The following MACROD2 variants were observed in gnomAD, a reference collection of about 807,000 sequenced individuals.
The protein encoded by MACROD2 is mono-ADP ribosylhydrolase 2.
In MACROD2, 36 loss-of-function variants were observed where a neutral mutation model predicts 70.4. That is an observed-to-expected ratio of 0.51 (90% CI 0.39 to 0.68). The LOEUF (loss-of-function observed/expected upper bound fraction) is 0.68, where lower values mean the gene tolerates loss of function less well. Ranked by LOEUF, MACROD2 falls within the 30% of genes least tolerant of loss-of-function variation. MACROD2 has a pLI of 0.00. For missense variants in MACROD2, 496 were observed against 538.4 expected (o/e 0.92, Z 0.78); for synonymous variants, 172 against 178.8 (o/e 0.96, Z 0.30).
At chr20:14,242,032 A>G (rs914469068) in intron 3 of MACROD2, among the ~76,000 whole-genome samples, 1 of 152,164 alleles carries the variant, frequency 6.6e-6, no homozygotes. Flanking sequence ...GAGAAAATGC[A>G]CAGTGATAGA....
intron 5 of MACROD2, among the ~76,000 whole-genome samples, chr20:14,746,091 C>A (rs899939096): frequency 1.3e-5 from 2 of 152,194 alleles, no homozygotes; most frequent in East Asian, 3.9e-4. Context: ...TATTTATTTC[C>A]ATGGAAAACA....
chr20:14,710,481 G>C (rs1344012564), intron 5 of MACROD2, among the ~76,000 whole-genome samples: 3 of 152,232 alleles, frequency 2.0e-5, no homozygotes, highest in Non-Finnish European at 4.4e-5. Context: ...ACTGTGGAAA[G>C]ACGATGAGCA....
chr20:14,697,397 A>G (rs1181597267), intron 5 of MACROD2, among the ~76,000 whole-genome samples: 3 of 152,348 alleles, frequency 2.0e-5, no homozygotes, highest in Middle Eastern at 3.4e-3. Flanking sequence ...CCATACAGCT[A>G]TGCACAAAGA....
At chr20:14,107,905 G>T (rs1449491496) in intron 3 of MACROD2, among the ~76,000 whole-genome samples, 2 of 152,016 alleles carry the variant, frequency 1.3e-5, no homozygotes, top group Non-Finnish European at 1.5e-5. Flanking sequence ...TGAAATAAAA[G>T]AACATTAATA....
At chr20:15,298,891 A>C (rs2077616072) in intron 6 of MACROD2, among the ~76,000 whole-genome samples, 1 of 152,142 alleles carries the variant, frequency 6.6e-6, no homozygotes, top group African/African-American at 2.4e-5. Flanking sequence ...ACTGACAAAG[A>C]AGCAGAGGCC....
At chr20:16,028,461 C>T in intron 15 of MACROD2, among the ~76,000 whole-genome samples, 1 of 151,500 alleles carries the variant, frequency 6.6e-6, no homozygotes, top group Non-Finnish European at 1.5e-5. Flanking sequence ...ACTGATGAAG[C>T]ATTTCCAAAC....
chr20:14,440,491 T>A (rs541681396), intron 3 of MACROD2, among the ~76,000 whole-genome samples: 1 of 152,176 alleles, frequency 6.6e-6, no homozygotes, highest in African/African-American at 2.4e-5. Context: ...GCCTGGCTAA[T>A]AGTAATTGTT....
At chr20:15,732,551 C>T (rs755920824) in intron 8 of MACROD2, among the ~76,000 whole-genome samples, 20 of 152,102 alleles carry the variant, frequency 1.3e-4, no homozygotes, top group Non-Finnish European at 2.1e-4. Flanking sequence ...ACTAATTAAC[C>T]GTGTGACTTT....
intron 12 of MACROD2, among the ~76,000 whole-genome samples, chr20:15,944,512 A>G (rs897008755): frequency 3.3e-5 from 5 of 152,142 alleles, no homozygotes; most frequent in African/African-American, 1.2e-4. Context: ...TTGATAGTCT[A>G]TCATCATTTA....
chr20:14,788,838 G>A (rs924875137), intron 5 of MACROD2, among the ~76,000 whole-genome samples: 7 of 136,540 alleles, frequency 5.1e-5, no homozygotes, highest in Admixed American at 2.5e-4. Context: ...GTGCGATCTC[G>A]GCTTACTGCA....
At chr20:14,320,398 C>T (rs1201990506) in intron 3 of MACROD2, among the ~76,000 whole-genome samples, 1 of 152,258 alleles carries the variant, frequency 6.6e-6, no homozygotes, top group East Asian at 1.9e-4. Context: ...CAGTTTCTCC[C>T]ATTCATCTTT....
At chr20:14,640,009 GTGT>G (rs1164639658) in intron 4 of MACROD2, among the ~76,000 whole-genome samples, 2 of 152,018 alleles carry the variant, frequency 1.3e-5, no homozygotes, top group African/African-American at 2.4e-5. Context: ...AAAATTTTTG[GTGT>G]TGTTGTTTAC....
intron 3 of MACROD2, among the ~76,000 whole-genome samples, chr20:14,242,276 G>A (rs942564044): frequency 7.9e-5 from 12 of 152,018 alleles, no homozygotes; most frequent in Admixed American, 2.6e-4. Flanking sequence ...CAGACTTCAC[G>A]TTAACACTTA....
At chr20:15,618,847 C>A (rs2049081167) in intron 8 of MACROD2, among the ~76,000 whole-genome samples, 1 of 152,208 alleles carries the variant, frequency 6.6e-6, no homozygotes, top group Admixed American at 6.5e-5. Context: ...TCAGAGCCGG[C>A]TGTGCGGAGA....
In MACROD2 at chr20:16,049,812, G is replaced by C. The variant is rs754829110; in HGVS notation, c.1301-18G>C. The C allele has an allele frequency of 3.1e-6, 5 of 1,612,930 alleles. No homozygotes were observed. In the South Asian group the frequency reaches 5.5e-5, roughly 18 times the overall value. ...TGTCTTATCTTTAATCTAACAAATG[G>C]CTTCTCTTTGTCTTCAGCAGGGGCA... On this transcript the variant is annotated intron_variant, in intron 17 of 17. Coordinates refer to ENST00000684519, the MANE Select transcript of MACROD2 (RefSeq NM_001351661.2).
At chr20:14,281,453 G>A (rs148788162) in intron 3 of MACROD2, among the ~76,000 whole-genome samples, 59 of 152,240 alleles carry the variant, frequency 3.9e-4, no homozygotes, top group East Asian at 1.5e-3. Context: ...TGGGTATAGC[G>A]TTTCTTTTTG....
At chr20:14,657,265 C>A (rs559975384) in intron 4 of MACROD2, among the ~76,000 whole-genome samples, 4 of 152,324 alleles carry the variant, frequency 2.6e-5, no homozygotes, top group Admixed American at 1.3e-4. Flanking sequence ...TCTAAGCGTG[C>A]TATTACTTAT....
At chr20:14,617,655 A>G (rs1010982785) in intron 4 of MACROD2, among the ~76,000 whole-genome samples, 2 of 152,152 alleles carry the variant, frequency 1.3e-5, no homozygotes, top group African/African-American at 4.8e-5. Flanking sequence ...ATAATATGTA[A>G]CTACTTTTAA....
chr20:14,514,517 C>T (rs1238998779), intron 4 of MACROD2, among the ~76,000 whole-genome samples: 1 of 152,056 alleles, frequency 6.6e-6, no homozygotes, highest in African/African-American at 2.4e-5. Context: ...AAAAGTTATC[C>T]ACCAATCTGA....
Sources: allele counts gnomAD v4.1 joint callset (sites outside exome capture counted in the v4.1 genomes callset), GRCh38; gene constraint gnomAD v4.1.1; transcripts MANE v1.5; gene names NCBI Gene and HGNC (gene_info 2026-07-23, HGNC 2026-07-21).